TTC28: variants seen among roughly 807,000 people sequenced by gnomAD.
TTC28 encodes tetratricopeptide repeat protein 28.
A neutral mutation model predicts 198.0 loss-of-function variants in TTC28; 61 were observed. That is an observed-to-expected ratio of 0.31 (90% CI 0.25 to 0.38). The LOEUF is 0.38. Ranked by LOEUF, TTC28 falls within the 10% of genes least tolerant of loss-of-function variation. The probability of loss-of-function intolerance (pLI) is 1.00; values close to 1 mark genes in which losing one functional copy is unlikely to be tolerated. For synonymous variants in TTC28, 1,171 were observed against 1,297.8 expected (o/e 0.90, Z 2.10); for missense variants, 2,678 against 3,164.0 (o/e 0.85, Z 3.69).
At chr22:28,117,123 A>G (rs1409348373) in intron 6 of TTC28, among the ~76,000 whole-genome samples, 1 of 152,180 alleles carries the variant, frequency 6.6e-6, no homozygotes, top group African/African-American at 2.4e-5. Context: ...TCCAGACAGA[A>G]GCGTTGAAGA....
At chr22:28,526,100 G>A (rs530939177) in intron 2 of TTC28, among the ~76,000 whole-genome samples, 1 of 152,224 alleles carries the variant, frequency 6.6e-6, no homozygotes, top group East Asian at 1.9e-4. Context: ...TGTGGAGTGG[G>A]AAACATTTGC....
At chr22:28,552,084 G>T (rs765418976) in intron 2 of TTC28, among the ~76,000 whole-genome samples, 7 of 151,988 alleles carry the variant, frequency 4.6e-5, no homozygotes, top group Non-Finnish European at 7.4e-5. Flanking sequence ...TACACCAATA[G>T]CAACTAAGCT....
At chr22:28,391,711 C>A (rs2046724110) in intron 2 of TTC28, among the ~76,000 whole-genome samples, 1 of 152,186 alleles carries the variant, frequency 6.6e-6, no homozygotes, top group Admixed American at 6.5e-5. Context: ...TTAAGCACTT[C>A]TCTGTATTGG....
At chr22:28,333,490 T>A (rs2045649586) in intron 2 of TTC28, among the ~76,000 whole-genome samples, 1 of 152,108 alleles carries the variant, frequency 6.6e-6, no homozygotes, top group African/African-American at 2.4e-5. Context: ...TTTCAAGCAA[T>A]CAGGTAAGAA....
At chr22:28,083,477 T>C (rs752360708) in intron 12 of TTC28, among the ~76,000 whole-genome samples, 1 of 152,204 alleles carries the variant, frequency 6.6e-6, no homozygotes, top group Non-Finnish European at 1.5e-5. Flanking sequence ...GACAGAATTG[T>C]TTATTCATGG....
chr22:28,415,373 A>G (rs542580102), intron 2 of TTC28, among the ~76,000 whole-genome samples: 3 of 152,346 alleles, frequency 2.0e-5, no homozygotes, highest in African/African-American at 4.8e-5. Flanking sequence ...TGTAGTACAG[A>G]TTTAAGAGAA....
chr22:28,032,881 C>G lies in TTC28; in HGVS notation c.3933-2515G>C, dbSNP rs575931397. Among the ~76,000 whole-genome samples the G allele has an allele frequency of 2.6e-5, 4 of 152,338 alleles. No individual in the cohort carries two copies. The South Asian group carries it at 8.3e-4, about 32-fold the overall frequency. On this transcript the variant is annotated intron_variant, in intron 12 of 22. Transcript: ENST00000397906. ...TCGAAACAAATCACCAAGCTCCCAT[C>G]ATGCTGGAGAGCTTTTATTCCTCTC...
intron 2 of TTC28, among the ~76,000 whole-genome samples, chr22:28,384,197 C>A (rs1156732296): frequency 2.0e-5 from 3 of 152,148 alleles, no homozygotes; most frequent in African/African-American, 4.8e-5. Flanking sequence ...GATAAAATTG[C>A]ACCCCATCCT....
At chr22:28,154,224 T>G (rs760442670) in intron 6 of TTC28, among the ~76,000 whole-genome samples, 1 of 152,100 alleles carries the variant, frequency 6.6e-6, no homozygotes, top group Non-Finnish European at 1.5e-5. Flanking sequence ...CCAAACTGCC[T>G]AAATTAGAAT....
chr22:28,022,012 T>G (rs1414122709), intron 13 of TTC28, among the ~76,000 whole-genome samples: 1 of 152,230 alleles, frequency 6.6e-6, no homozygotes, highest in Non-Finnish European at 1.5e-5. Context: ...CCCCATTCAC[T>G]GTGACTAATG....
chr22:28,330,214 T>C (rs1180434349), intron 2 of TTC28, among the ~76,000 whole-genome samples: 1 of 152,204 alleles, frequency 6.6e-6, no homozygotes, highest in Admixed American at 6.5e-5. Flanking sequence ...TCAGGTATAA[T>C]ATCAATGTAG....
intron 12 of TTC28, among the ~76,000 whole-genome samples, chr22:28,045,913 T>C (rs1458342802): frequency 6.6e-6 from 1 of 152,170 alleles, no homozygotes; most frequent in African/African-American, 2.4e-5. Context: ...GAAGTTGCAG[T>C]GAGCCGAGAA....
chr22:28,194,832 T>G (rs1925231200), intron 5 of TTC28, among the ~76,000 whole-genome samples: 1 of 103,724 alleles, frequency 9.6e-6, no homozygotes, highest in Non-Finnish European at 1.9e-5. Flanking sequence ...ACCAGATGGA[T>G]TCACAGCCTA....
chr22:28,235,113 G>A (rs1929137185), intron 5 of TTC28, among the ~76,000 whole-genome samples: 1 of 152,236 alleles, frequency 6.6e-6, no homozygotes, highest in African/African-American at 2.4e-5. Flanking sequence ...AGCTCTCCCA[G>A]AGTCACAAGA....
At chr22:28,275,068 T>C (rs551405143) in intron 5 of TTC28, among the ~76,000 whole-genome samples, 1 of 151,904 alleles carries the variant, frequency 6.6e-6, no homozygotes, top group African/African-American at 2.4e-5. Context: ...ATACAATATC[T>C]TGAACCCCAC....
At chr22:28,608,480 C>T (rs1393872416) in intron 2 of TTC28, among the ~76,000 whole-genome samples, 1 of 152,178 alleles carries the variant, frequency 6.6e-6, no homozygotes, top group Non-Finnish European at 1.5e-5. Flanking sequence ...CCTGATGCAG[C>T]AATACATATC....
intron 2 of TTC28, among the ~76,000 whole-genome samples, chr22:28,614,111 T>C (rs984330371): frequency 9.2e-5 from 14 of 152,142 alleles, no homozygotes; most frequent in South Asian, 2.1e-4. Flanking sequence ...GGATACAAAA[T>C]CAATGTGCAA....
intron 2 of TTC28, among the ~76,000 whole-genome samples, chr22:28,511,522 C>T (rs2146395059): frequency 6.6e-6 from 1 of 152,146 alleles, no homozygotes; most frequent in African/African-American, 2.4e-5. Flanking sequence ...ATGGATTAAA[C>T]ACTTAAATGT....
rs542543308 is a variant in TTC28, at chr22:28,028,544, G to T, written c.4073+1682C>A. Among the ~76,000 whole-genome samples the T allele has an allele frequency of 4.6e-5, 7 of 152,276 alleles. No individual in the cohort carries two copies. The East Asian group carries it at 1.4e-3, about 29-fold the overall frequency. On this transcript the variant is annotated intron_variant, in intron 13 of 22. Transcript: ENST00000397906. ...GGAACTGGTTCCTGACTGCTGGAGT[G>T]CCTGCAACCAGGTCACCATGGATGC...
Sources: allele counts gnomAD v4.1 joint callset (sites outside exome capture counted in the v4.1 genomes callset), GRCh38; gene constraint gnomAD v4.1.1; transcripts MANE v1.5; gene names NCBI Gene and HGNC (gene_info 2026-07-23, HGNC 2026-07-21).